The following ZNF653 variants were observed in gnomAD, a reference collection of about 807,000 sequenced individuals.
The protein encoded by ZNF653 is zinc finger protein 653.
ZNF653 carries 37 observed loss-of-function variants against 59.9 expected under a neutral mutation model. The observed-to-expected ratio is 0.62, with a 90% CI of 0.48 to 0.81. The LOEUF is 0.81. Among genes scored for constraint, ZNF653 ranks in the 40% least tolerant of loss-of-function variants. The pLI, the probability that ZNF653 is intolerant of heterozygous loss-of-function variation, is 0.00. For synonymous variants in ZNF653, 435 were observed against 371.8 expected, an observed-to-expected ratio of 1.17 and a Z score of -1.96; for missense variants, 808 against 881.1, an observed-to-expected ratio of 0.92 and a Z score of 1.05.
Position 11,485,688 on chromosome 19 carries a change from T to G in ZNF653, c.1538A>C (p.Asn513Thr). The G allele has an allele frequency of 6.2e-7, 1 of 1,613,824 alleles. No homozygotes were observed. The highest frequency in any genetic ancestry group is 1.3e-5 in the African/African-American group (1 of 74,962). ...PGCGKKFYLS[N>T]HLRRHMIIHS... is the part of the protein sequence containing the mutation. ...GATGATCATGTGCCGCCGCAGGTGG[T>G]TGGATAAATAGAACTTCTTGCCACA... Residue 513 changes from asparagine (N) to threonine (T), a missense_variant, in exon 7 of 9, where the codon AAC (asparagine) becomes ACC (threonine). By Grantham distance (65) the Asn-to-Thr change is moderately conservative. Transcript: ENST00000293771.
rs1365986145 is a variant in ZNF653 at position 11,505,772 on chromosome 19, C to T, written c.15G>A (p.Ala5=). 6.4e-6 allele frequency: 9 copies of T among 1,407,384 alleles called. No individual in the cohort carries two copies. Among genetic ancestry groups the T allele is most frequent in the Admixed American group, 3.5e-5 (1 of 28,346 alleles). The allele number at this position is 1,407,384 out of a possible 1,614,324, so 87.2% of individuals were successfully genotyped here. MAER[A]LEPEAEAEAE... ...CCTCCGCCTCCGCCTCGGGCTCTAG[C>T]GCCCGCTCCGCCATCCCCCCCACCC... The change falls in exon 1 of 9, where the codon GCG becomes GCA. Residue 5 remains alanine (A), a synonymous_variant. Coordinates refer to ENST00000293771, the MANE Select transcript of ZNF653 (RefSeq NM_138783.4).
At chr19:11,503,271 T>C (rs1298990924) in intron 1 of ZNF653, among the ~76,000 whole-genome samples, 1 of 152,188 alleles carries the variant, frequency 6.6e-6, no homozygotes, top group Non-Finnish European at 1.5e-5. Flanking sequence ...TGGCACACAA[T>C]AGGCAGGGTC....
At chr19:11,499,335 A>G (rs1428159872) in intron 1 of ZNF653, among the ~76,000 whole-genome samples, 1 of 152,230 alleles carries the variant, frequency 6.6e-6, no homozygotes, top group Non-Finnish European at 1.5e-5. Flanking sequence ...GCCTGTGAGT[A>G]GGACTGGATG....
At chr19:11,489,415 T>C (rs1263454630) in intron 3 of ZNF653, among the ~76,000 whole-genome samples, 1 of 152,116 alleles carries the variant, frequency 6.6e-6, no homozygotes, top group East Asian at 1.9e-4. Flanking sequence ...GCCAGGCTGA[T>C]CTCGAACTTC....
chr19:11,487,528 C>T lies in ZNF653; in HGVS notation c.935G>A (p.Gly312Asp). 1 of 1,613,932 alleles carries T rather than the reference C, an allele frequency of 6.2e-7. No homozygotes were observed. The highest frequency in any genetic ancestry group is 8.5e-7 in the Non-Finnish European group (1 of 1,179,962). Residue 312 changes from glycine to aspartate, a missense_variant, in exon 4 of 9, where the codon GGC (glycine) becomes GAC (aspartate). Gly to Asp is a moderately conservative substitution (Grantham distance 94). Transcript: ENST00000293771. The surrounding 1 kb of genome is among the most constrained non-coding windows in gnomAD (Gnocchi z 5.1). ...GEVVASCPMP[G>D]MVPGSQVIII... ...GATCACCTGTGAGCCGGGCACCATG[C>T]CTGGCATGGGGCAGCTGGCCACCAC...
In ZNF653 at chr19:11,483,665, G is replaced by A. The variant is rs1049684026; in HGVS notation, c.*17C>T. On this transcript the variant is annotated 3_prime_UTR_variant, in exon 9 of 9. Transcript: ENST00000293771. ...CCGAGCGGACGAATAAATAGGGGCGGTCAGTGGTCAGGTGGGTCAGGTGGG... is the reference window on the plus strand; with the variant it reads ...CCGAGCGGACGAATAAATAGGGGCGATCAGTGGTCAGGTGGGTCAGGTGGG... 6.2e-7 allele frequency: 1 copy of A among 1,604,650 alleles called. No individual in the cohort carries two copies. The highest frequency in any genetic ancestry group is 1.3e-5 in the African/African-American group (1 of 74,728).
chr19:11,496,042 G>T lies in ZNF653; in HGVS notation c.467C>A (p.Ala156Asp). The stretch of plus-strand genomic sequence containing the variant: ...GTGGCCAGCTTCGCACTGCCACACG[G>T]CCGTGGTGTACAGGCCAAAAGTGGG... ...LDPTFGLYTT[A>D]VWQCEAGHRY... The change falls in exon 3 of 9, where the codon GCC (alanine) becomes GAC (aspartate). Residue 156 changes from alanine (A) to aspartate (D), a missense_variant. Transcript: ENST00000293771. The T allele has an allele frequency of 6.2e-7, 1 of 1,614,156 alleles. No individual in the cohort carries two copies. The highest frequency in any genetic ancestry group is 8.5e-7 in the Non-Finnish European group (1 of 1,180,006).
chr19:11,505,748 C>T lies in ZNF653; in HGVS notation c.39G>A (p.Glu13=). The T allele has an allele frequency of 2.1e-6, 3 of 1,440,018 alleles. No individual in the cohort carries two copies. The highest frequency in any genetic ancestry group is 2.9e-5 in the East Asian group (1 of 33,944). The allele number at this position is 1,440,018 out of a possible 1,614,324, so 89.2% of individuals were successfully genotyped here. A position where few individuals can be genotyped will look rare whatever the true frequency, so the allele number is the denominator to read the frequency against. ...CCTCCCCGCCCGCGCCCGCCTCAGC[C>T]TCCGCCTCCGCCTCGGGCTCTAGCG... is the stretch of plus-strand genomic sequence containing the variant. ...ERALEPEAEA[E]AEAGAGGEAA... Residue 13 remains glutamate (E), a synonymous_variant, in exon 1 of 9, where the codon GAG becomes GAA. Transcript: ENST00000293771.
At chr19:11,502,550 A>G (rs888771449) in intron 1 of ZNF653, among the ~76,000 whole-genome samples, 3 of 152,214 alleles carry the variant, frequency 2.0e-5, no homozygotes, top group Admixed American at 1.3e-4. Flanking sequence ...CTTCTAAAAT[A>G]CAAACCAGGC....
At chr19:11,499,610 T>C (rs1359491488) in intron 1 of ZNF653, among the ~76,000 whole-genome samples, 1 of 130,628 alleles carries the variant, frequency 7.7e-6, no homozygotes, top group South Asian at 2.4e-4. Context: ...ATTTATACAA[T>C]TAAAAAAAAA....
At position 11,485,082 on chromosome 19, in the gene ZNF653, C is replaced by CA. The variant is rs960120193; in HGVS notation, c.1570+573dup. On this transcript the variant is annotated intron_variant, in intron 7 of 8. Transcript: ENST00000293771. ...ACACATTAAAAAAAACCAAAAAAAA[C>CA]AAAAAAAACCCCCAAACTTCTGACC... 1.3e-3 allele frequency among the ~76,000 whole-genome samples: 189 copies of CA among 149,968 alleles called. 2 individuals carry two copies. Among genetic ancestry groups the CA allele is most frequent in the African/African-American group, 3.4e-3 (137 of 40,486 alleles).
At chr19:11,502,948 C>T (rs570735255) in intron 1 of ZNF653, among the ~76,000 whole-genome samples, 2 of 151,876 alleles carry the variant, frequency 1.3e-5, no homozygotes, top group East Asian at 1.9e-4. Context: ...GCAGGAGAAT[C>T]GCTTGAACGC....
chr19:11,494,655 T>G (rs572175346), intron 3 of ZNF653, among the ~76,000 whole-genome samples: 1 of 152,152 alleles, frequency 6.6e-6, no homozygotes, highest in Non-Finnish European at 1.5e-5. Flanking sequence ...GCCATTGCAC[T>G]CCAGCCTGGG....
intron 5 of ZNF653, 24 bp downstream of exon 5, chr19:11,486,957 GCCCTCA>G (rs777126817): frequency 2.5e-6 from 4 of 1,611,962 alleles, no homozygotes; most frequent in African/African-American, 1.3e-5. Flanking sequence ...TCTAGCCCTC[GCCCTCA>G]CCCTTGCCCG....
At position 11,496,137 on chromosome 19, in the gene ZNF653, C is replaced by T. The variant is rs774436430; in HGVS notation, c.372G>A (p.Lys124=). Residue 124 remains lysine, a synonymous_variant, in exon 3 of 9, where the codon AAG becomes AAA. Coordinates refer to ENST00000293771, the MANE Select transcript of ZNF653 (RefSeq NM_138783.4). ...GGTCCTCGTACCAGATCACCACGTT[C>T]TTCAGGCAGTTCACGTTGCGTCGCC... is the stretch of plus-strand genomic sequence containing the variant. ...KRRRRNVNCL[K]NVVIWYEDHK... is the part of the protein sequence containing the mutation. 4 of 1,614,002 alleles carry T rather than the reference C, an allele frequency of 2.5e-6. No homozygotes were observed. The highest frequency in any genetic ancestry group is 3.4e-6 in the Non-Finnish European group (4 of 1,180,008).
intron 3 of ZNF653, among the ~76,000 whole-genome samples, chr19:11,488,892 G>A (rs1050272539): frequency 1.1e-4 from 16 of 150,818 alleles, no homozygotes; most frequent in African/African-American, 3.4e-4. Flanking sequence ...CACCGCATCC[G>A]GCCTGAGTTT....
chr19:11,505,389 G>T, intron 1 of ZNF653, 99 bp downstream of exon 1: 2 of 1,257,714 alleles, frequency 1.6e-6, no homozygotes, highest in Non-Finnish European at 2.1e-6. Flanking sequence ...GGGTCCGCAG[G>T]TGCCGGGGGC....
rs74552618 is a variant in ZNF653, at chr19:11,487,409, C to T, written c.1054G>A (p.Glu352Lys). Residue 352 changes from glutamate (E) to lysine (K), a missense_variant, in exon 4 of 9, where the codon GAG becomes AAG. Coordinates refer to ENST00000293771, the MANE Select transcript of ZNF653 (RefSeq NM_138783.4). The surrounding 1 kb of genome is among the most constrained non-coding windows in gnomAD (Gnocchi z 5.1). ...GSGVPGSGLGEEVPCAMMEGV... is the reference protein window; with the variant it reads ...GSGVPGSGLGKEVPCAMMEGV... ...TCCATCATGGCACAGGGCACCTCCT[C>T]GCCCAGTCCACTGCCGGGGACACCG... 0.013 allele frequency: 20,516 copies of T among 1,612,130 alleles called. 182 individuals carry two copies. The highest frequency in any genetic ancestry group is 0.016 in the South Asian group (1,502 of 91,088).
At chr19:11,498,901 T>C (rs1307729714) in intron 1 of ZNF653, among the ~76,000 whole-genome samples, 1 of 139,750 alleles carries the variant, frequency 7.2e-6, no homozygotes, top group African/African-American at 2.7e-5. Flanking sequence ...AATTTTGTAT[T>C]TTTAGTAGAG....
Sources: allele counts gnomAD v4.1 joint callset (sites outside exome capture counted in the v4.1 genomes callset), GRCh38; gene constraint gnomAD v4.1.1; non-coding constraint Gnocchi (gnomAD v3.1); transcripts MANE v1.5; gene names NCBI Gene and HGNC (gene_info 2026-07-23, HGNC 2026-07-21).